The following SCN11A variants were observed in gnomAD, a reference collection of about 807,000 sequenced individuals.
The protein encoded by SCN11A is sodium channel protein type 11 subunit alpha.
In SCN11A, 122 loss-of-function variants were observed where a neutral mutation model predicts 162.2. That is an observed-to-expected ratio of 0.75 (90% CI 0.65 to 0.87). The LOEUF (loss-of-function observed/expected upper bound fraction) is 0.87, where lower values mean the gene tolerates loss of function less well. Ranked by LOEUF, SCN11A falls within the 40% of genes least tolerant of loss-of-function variation. The pLI is 0.00. For missense variants in SCN11A, 2,015 were observed against 2,181.6 expected, an observed-to-expected ratio of 0.92 and a Z score of 1.52; for synonymous variants, 758 against 751.5, an observed-to-expected ratio of 1.01 and a Z score of -0.14.
intron 2 of SCN11A, among the ~76,000 whole-genome samples, chr3:38,996,382 G>A (rs1471723291): frequency 6.6e-6 from 1 of 152,150 alleles, no homozygotes; most frequent in Non-Finnish European, 1.5e-5. Flanking sequence ...TTTCAAGGAT[G>A]AGTGTATCTT....
At chr3:39,027,932 C>T (rs772614828) in intron 2 of SCN11A, among the ~76,000 whole-genome samples, 3 of 152,184 alleles carry the variant, frequency 2.0e-5, no homozygotes, top group Admixed American at 6.5e-5. Flanking sequence ...GTGATGCACC[C>T]ACACATTTTT....
At position 38,894,624 on chromosome 3, in the gene SCN11A, C is replaced by A. The variant is rs1553636827; in HGVS notation, c.2744G>T (p.Trp915Leu). The part of the protein sequence containing the change: ...KTLGVRHDWT[W>L]LAPLAEEEDD... ...TTCCTCCTCCGCAAGTGGTGCCAAC[C>A]AAGTCCAATCATGCCTGACGCCCAG... The change falls in exon 19 of 30, where the codon TGG (tryptophan) becomes TTG (leucine). Residue 915 changes from tryptophan (W) to leucine (L), a missense_variant. By Grantham distance (61) the Trp-to-Leu change is moderately conservative (BLOSUM62 -2). Coordinates refer to ENST00000302328, the MANE Select transcript of SCN11A (RefSeq NM_001349253.2). 1 of 1,614,156 alleles carries A rather than the reference C, an allele frequency of 6.2e-7. No individual in the cohort carries two copies. The highest frequency in any genetic ancestry group is 8.5e-7 in the Non-Finnish European group (1 of 1,180,006).
At chr3:38,920,948 CTGGA>C in intron 10 of SCN11A, 124 bp downstream of exon 10, 2 of 852,848 alleles carry the variant, frequency 2.3e-6, no homozygotes, top group Non-Finnish European at 3.8e-6. Flanking sequence ...CAGGAGCACC[CTGGA>C]TGGATGAAGT....
At chr3:39,033,851 G>T (rs2031828521) in intron 1 of SCN11A, among the ~76,000 whole-genome samples, 2 of 152,130 alleles carry the variant, frequency 1.3e-5, no homozygotes, top group Admixed American at 6.5e-5. Context: ...ATTGTATTGG[G>T]TATAAGTAAT....
At chr3:38,938,854 G>A (rs910618947) in intron 7 of SCN11A, among the ~76,000 whole-genome samples, 1 of 151,278 alleles carries the variant, frequency 6.6e-6, no homozygotes, top group African/African-American at 2.4e-5. Context: ...GGTGAGCCAC[G>A]GCGCCCGGCC....
chr3:38,859,284 C>T (rs542402308), intron 28 of SCN11A, among the ~76,000 whole-genome samples: 8 of 151,528 alleles, frequency 5.3e-5, no homozygotes, highest in Admixed American at 2.6e-4. Context: ...GTGAGATTAA[C>T]CAAGAAAAGA....
At chr3:38,923,767 G>C (rs2066090619) in intron 9 of SCN11A, among the ~76,000 whole-genome samples, 1 of 152,086 alleles carries the variant, frequency 6.6e-6, no homozygotes. Context: ...GAGATTTGTG[G>C]GGGTTGGGAG....
At chr3:38,913,261 G>A (rs1395224124) in intron 11 of SCN11A, among the ~76,000 whole-genome samples, 2 of 151,868 alleles carry the variant, frequency 1.3e-5, no homozygotes, top group East Asian at 3.9e-4. Context: ...TCATATGCTC[G>A]TTGGCTGCAT....
chr3:38,956,425 G>A (rs772026564), intron 3 of SCN11A, among the ~76,000 whole-genome samples: 9 of 152,172 alleles, frequency 5.9e-5, no homozygotes, highest in Middle Eastern at 3.4e-3. Context: ...AAAATAAGAC[G>A]TACTTCAAAA....
At chr3:38,993,856 A>G (rs1028134110) in intron 2 of SCN11A, among the ~76,000 whole-genome samples, 6 of 152,190 alleles carry the variant, frequency 3.9e-5, no homozygotes, top group Non-Finnish European at 7.3e-5. Context: ...AACTTGGAGT[A>G]GGGGGCTGCA....
intron 1 of SCN11A, among the ~76,000 whole-genome samples, chr3:39,042,957 CAAAAAAAAAA>C (rs561204433): frequency 1.5e-5 from 1 of 66,032 alleles, no homozygotes; most frequent in African/African-American, 4.4e-5. Flanking sequence ...AACTCCATCT[CAAAAAAAAAA>C]AAAAAAAAAA....
At chr3:38,930,898 C>T (rs993832352) in intron 7 of SCN11A, among the ~76,000 whole-genome samples, 4 of 152,152 alleles carry the variant, frequency 2.6e-5, no homozygotes, top group Admixed American at 6.5e-5. Context: ...GGTTTTCCTC[C>T]CTGCCTTATG....
chr3:38,851,565 C>G (rs1185594616), intron 28 of SCN11A, among the ~76,000 whole-genome samples: 1 of 152,320 alleles, frequency 6.6e-6, no homozygotes, highest in East Asian at 1.9e-4. Flanking sequence ...CTGTGAAGCA[C>G]TACTTTGTTC....
intron 3 of SCN11A, among the ~76,000 whole-genome samples, chr3:38,957,262 T>C (rs1316532222): frequency 6.6e-6 from 1 of 152,190 alleles, no homozygotes; most frequent in African/African-American, 2.4e-5. Flanking sequence ...GGACTGAGCA[T>C]AGGTGAAAGT....
chr3:39,028,647 GA>G (rs1466294783), intron 2 of SCN11A, among the ~76,000 whole-genome samples: 1 of 152,202 alleles, frequency 6.6e-6, no homozygotes, highest in Non-Finnish European at 1.5e-5. Flanking sequence ...AGGGCATGAT[GA>G]CAGCTTCTGG....
intron 2 of SCN11A, among the ~76,000 whole-genome samples, chr3:38,989,316 GC>G (rs1295642011): frequency 6.6e-6 from 1 of 152,086 alleles, no homozygotes; most frequent in Non-Finnish European, 1.5e-5. Flanking sequence ...TTTAACTGAG[GC>G]CCCAGACATC....
At chr3:39,029,945 G>A (rs184856482) in intron 2 of SCN11A, among the ~76,000 whole-genome samples, 1 of 152,304 alleles carries the variant, frequency 6.6e-6, no homozygotes, top group Admixed American at 6.5e-5. Context: ...GTGGCAAGAT[G>A]ATTTGTTCAG....
At chr3:39,033,935 T>C (rs1012374650) in intron 1 of SCN11A, among the ~76,000 whole-genome samples, 3 of 152,026 alleles carry the variant, frequency 2.0e-5, no homozygotes, top group Non-Finnish European at 4.4e-5. Flanking sequence ...GAGGCCAAGG[T>C]GGGCAGATCA....
At chr3:38,935,180 C>A (rs964672046) in intron 7 of SCN11A, among the ~76,000 whole-genome samples, 3 of 151,924 alleles carry the variant, frequency 2.0e-5, no homozygotes, top group Non-Finnish European at 4.4e-5. Flanking sequence ...TTGAAACCAA[C>A]GAGAGCAGAC....
Sources: allele counts gnomAD v4.1 joint callset (sites outside exome capture counted in the v4.1 genomes callset), GRCh38; gene constraint gnomAD v4.1.1; transcripts MANE v1.5; gene names NCBI Gene and HGNC (gene_info 2026-07-23, HGNC 2026-07-21).